Variants in ENPP6 observed in about 807,000 individuals in gnomAD.
ENPP6 encodes the protein glycerophosphocholine cholinephosphodiesterase ENPP6.
In ENPP6, 32 loss-of-function variants were observed where a neutral mutation model predicts 42.0. The ratio of observed to expected loss-of-function variants is 0.76; its 90% CI spans 0.58 to 1.02. The LOEUF is 1.02. Ranked by LOEUF, ENPP6 falls within the 50% of genes least tolerant of loss-of-function variation. ENPP6 has a pLI of 0.00. For synonymous variants in ENPP6, 213 were observed against 216.0 expected (o/e 0.99, Z 0.12); for missense variants, 552 against 566.8 (o/e 0.97, Z 0.27).
intron 2 of ENPP6, among the ~76,000 whole-genome samples, chr4:184,145,124 A>G (rs1213951848): frequency 1.3e-5 from 2 of 152,222 alleles, no homozygotes; most frequent in Non-Finnish European, 2.9e-5. Context: ...CCACTGCCTC[A>G]AGGAGAGACC....
chr4:184,180,086 G>GT (rs56148034), intron 1 of ENPP6, among the ~76,000 whole-genome samples: 1 of 66,080 alleles, frequency 1.5e-5, no homozygotes, highest in Non-Finnish European at 4.5e-5. Context: ...TCCAGGAGCT[G>GT]TTTTTTTGAC....
chr4:184,111,079 T>C (rs886897004), intron 6 of ENPP6, among the ~76,000 whole-genome samples: 1 of 152,122 alleles, frequency 6.6e-6, no homozygotes, highest in Non-Finnish European at 1.5e-5. Context: ...AGCATCTCCA[T>C]AGTGACCTCT....
At chr4:184,189,958 T>C (rs1732691882) in intron 1 of ENPP6, among the ~76,000 whole-genome samples, 1 of 152,164 alleles carries the variant, frequency 6.6e-6, no homozygotes, top group South Asian at 2.1e-4. Flanking sequence ...AAATATAAAA[T>C]ATGGCTGAGT....
At chr4:184,102,886 T>C (rs951683720) in intron 6 of ENPP6, among the ~76,000 whole-genome samples, 7 of 152,222 alleles carry the variant, frequency 4.6e-5, no homozygotes, top group Non-Finnish European at 1.0e-4. Context: ...AGGAATCTCT[T>C]CTTAATGTCC....
chr4:184,158,080 T>C (rs1737204570), intron 1 of ENPP6, among the ~76,000 whole-genome samples: 1 of 152,212 alleles, frequency 6.6e-6, no homozygotes. Flanking sequence ...ATTTATTAGA[T>C]AATGTTTGCA....
At chr4:184,142,766 C>T (rs905309067) in intron 2 of ENPP6, among the ~76,000 whole-genome samples, 2 of 152,228 alleles carry the variant, frequency 1.3e-5, no homozygotes, top group South Asian at 4.1e-4. Flanking sequence ...GTCTCAGCTT[C>T]AGGGAGGCAG....
chr4:184,102,745 C>G (rs909936691), intron 6 of ENPP6, among the ~76,000 whole-genome samples: 2 of 152,224 alleles, frequency 1.3e-5, no homozygotes, highest in African/African-American at 4.8e-5. Flanking sequence ...GCCACAGTGT[C>G]GCTCCCTGCT....
At position 184,205,623 on chromosome 4, in the gene ENPP6, C is replaced by G. The variant is rs1352487124; in HGVS notation, c.241+11956G>C. On this transcript the variant is annotated intron_variant, in intron 1 of 7. Coordinates refer to ENST00000296741, the MANE Select transcript of ENPP6 (RefSeq NM_153343.4). ...CAGAGGAGTGGTGTCATCAGGACTGCTTTCCCAGGGCTGCTCTGGTTGTAG... is the reference window on the plus strand; with the variant it reads ...CAGAGGAGTGGTGTCATCAGGACTGGTTTCCCAGGGCTGCTCTGGTTGTAG... 2.0e-5 allele frequency among the ~76,000 whole-genome samples: 3 copies of G among 152,344 alleles called. No individual in the cohort carries two copies. The East Asian group carries it at 5.8e-4, about 29-fold the overall frequency.
At chr4:184,209,575 A>G (rs1365671606) in intron 1 of ENPP6, among the ~76,000 whole-genome samples, 4 of 151,472 alleles carry the variant, frequency 2.6e-5, no homozygotes, top group Admixed American at 6.6e-5. Flanking sequence ...TCCAAGAAAT[A>G]TGGGACTATG....
intron 1 of ENPP6, among the ~76,000 whole-genome samples, chr4:184,169,881 G>A (rs1448107026): frequency 6.6e-6 from 1 of 152,290 alleles, no homozygotes; most frequent in Admixed American, 6.5e-5. Flanking sequence ...GTGATAACAC[G>A]GGACAGTGCT....
chr4:184,167,575 G>A (rs1422017544), intron 1 of ENPP6, among the ~76,000 whole-genome samples: 3 of 152,224 alleles, frequency 2.0e-5, no homozygotes, highest in Admixed American at 6.5e-5. Context: ...GAACCCATCA[G>A]TCAACCATCC....
At chr4:184,168,400 G>A (rs1737394598) in intron 1 of ENPP6, among the ~76,000 whole-genome samples, 1 of 152,174 alleles carries the variant, frequency 6.6e-6, no homozygotes, top group African/African-American at 2.4e-5. Context: ...TTTCTTACTT[G>A]ATATCTACAG....
At chr4:184,175,404 AAAGGCAGCC>A (rs1356804357) in intron 1 of ENPP6, among the ~76,000 whole-genome samples, 1 of 152,206 alleles carries the variant, frequency 6.6e-6, no homozygotes, top group African/African-American at 2.4e-5. Flanking sequence ...TCACTGAATG[AAAGGCAGCC>A]ATTGTTTTCA....
At chr4:184,208,976 A>C (rs1464755278) in intron 1 of ENPP6, among the ~76,000 whole-genome samples, 1 of 143,152 alleles carries the variant, frequency 7.0e-6, no homozygotes, top group African/African-American at 2.7e-5. Flanking sequence ...GCAGGAGCAC[A>C]CTGACACCTC....
At chr4:184,148,619 A>G (rs1432838294) in intron 2 of ENPP6, among the ~76,000 whole-genome samples, 2 of 152,244 alleles carry the variant, frequency 1.3e-5, no homozygotes, top group Non-Finnish European at 2.9e-5. Flanking sequence ...TGACACAGAC[A>G]ACATCAGCGA....
chr4:184,149,625 C>T lies in ENPP6; in HGVS notation c.421+3929G>A, dbSNP rs967131886. On this transcript the variant is annotated intron_variant, in intron 2 of 7. Transcript: ENST00000296741. Reference sequence around the variant, plus strand: ...TCCAGGAGCATATGAGTGGTTGCATCCAAGTCCTCCCTACTGCTTGGCTGT... The same window carrying T: ...TCCAGGAGCATATGAGTGGTTGCATTCAAGTCCTCCCTACTGCTTGGCTGT... 2.0e-5 allele frequency among the ~76,000 whole-genome samples: 3 copies of T among 152,182 alleles called. No individual in the cohort carries two copies. The South Asian group carries it at 6.2e-4, about 31-fold the overall frequency.
At chr4:184,179,687 C>T (rs576288788) in intron 1 of ENPP6, among the ~76,000 whole-genome samples, 1 of 149,288 alleles carries the variant, frequency 6.7e-6, no homozygotes, top group African/African-American at 2.4e-5. Flanking sequence ...GACAACAGCA[C>T]AATCAAATTA....
Position 184,184,980 on chromosome 4 carries a change from A to T in ENPP6, c.242-31247T>A, listed in dbSNP as rs1460546294. 6.6e-6 allele frequency among the ~76,000 whole-genome samples: 1 copy of T among 152,206 alleles called. No homozygotes were observed. The highest frequency in any genetic ancestry group is 1.5e-5 in the Non-Finnish European group (1 of 68,032). On this transcript the variant is annotated intron_variant, in intron 1 of 7. Coordinates refer to ENST00000296741, the MANE Select transcript of ENPP6 (RefSeq NM_153343.4). The surrounding 1 kb of genome is among the most constrained non-coding windows in gnomAD (Gnocchi z 4.7). Reference sequence around the variant, plus strand: ...GAGGAGAGGAGCTGCGTCACATCTAATGAGACAGCTGGGAGGAAGACTGGA... The same window carrying T: ...GAGGAGAGGAGCTGCGTCACATCTATTGAGACAGCTGGGAGGAAGACTGGA...
At chr4:184,136,694 G>A (rs1736734840) in intron 2 of ENPP6, among the ~76,000 whole-genome samples, 1 of 152,090 alleles carries the variant, frequency 6.6e-6, no homozygotes, top group Non-Finnish European at 1.5e-5. Context: ...CAAATATTTT[G>A]TTGGAAAGTC....
Sources: gnomAD v4.1 joint callset for allele counts (sites outside exome capture counted in the v4.1 genomes callset) on GRCh38, gnomAD v4.1.1 for gene constraint, Gnocchi (gnomAD v3.1) non-coding constraint, MANE v1.5 for transcripts, NCBI Gene and HGNC (gene_info 2026-07-23, HGNC 2026-07-21) for gene names.